Variants in TBC1D5 observed in about 807,000 individuals in gnomAD.
The protein encoded by TBC1D5 is TBC1 domain family, member 5.
TBC1D5 carries 75 observed loss-of-function variants against 100.3 expected under a neutral mutation model. The ratio of observed to expected loss-of-function variants is 0.75; its 90% CI spans 0.62 to 0.91. The LOEUF is 0.91. Ranked by LOEUF, TBC1D5 falls within the 40% of genes least tolerant of loss-of-function variation. The probability of loss-of-function intolerance (pLI) is 0.00; values close to 1 mark genes in which losing one functional copy is unlikely to be tolerated. For synonymous variants in TBC1D5, 323 were observed against 325.6 expected, an observed-to-expected ratio of 0.99 and a Z score of 0.09; for missense variants, 910 against 942.4, an observed-to-expected ratio of 0.97 and a Z score of 0.45.
intron 13 of TBC1D5, among the ~76,000 whole-genome samples, chr3:17,330,935 T>C (rs1394752514): frequency 6.6e-6 from 1 of 152,132 alleles, no homozygotes; most frequent in Non-Finnish European, 1.5e-5. Context: ...CATCCAATAA[T>C]TGTCAGTCCA....
chr3:17,387,028 C>T (rs946738834), intron 8 of TBC1D5, among the ~76,000 whole-genome samples: 1 of 152,132 alleles, frequency 6.6e-6, no homozygotes, highest in Non-Finnish European at 1.5e-5. Flanking sequence ...TTCTGCTCTA[C>T]AATGCTGAAG....
At chr3:17,350,468 CTTT>C (rs757889679) in intron 13 of TBC1D5, among the ~76,000 whole-genome samples, 2 of 152,120 alleles carry the variant, frequency 1.3e-5, no homozygotes, top group Non-Finnish European at 2.9e-5. Context: ...ACATTATATA[CTTT>C]TTTATTTCAC....
chr3:17,459,370 T>C (rs755604723), intron 3 of TBC1D5, among the ~76,000 whole-genome samples: 1 of 152,148 alleles, frequency 6.6e-6, no homozygotes, highest in Non-Finnish European at 1.5e-5. Context: ...TTCATGGTCC[T>C]ATGACAATCT....
At chr3:17,569,503 G>A (rs2079140079) in intron 2 of TBC1D5, among the ~76,000 whole-genome samples, 1 of 151,366 alleles carries the variant, frequency 6.6e-6, no homozygotes, top group South Asian at 2.1e-4. Flanking sequence ...TAGCCCATGA[G>A]GCATATGGTA....
At chr3:17,322,477 G>T (rs954351643) in intron 13 of TBC1D5, among the ~76,000 whole-genome samples, 9 of 152,318 alleles carry the variant, frequency 5.9e-5, no homozygotes, top group South Asian at 4.1e-4. Flanking sequence ...GCGCAGCACT[G>T]TGATTTCTGA....
At position 17,325,517 on chromosome 3, in the gene TBC1D5, T is replaced by C. The variant is rs112542533; in HGVS notation, c.996-17383A>G. Among the ~76,000 whole-genome samples, 782 of 152,180 alleles carry C rather than the reference T, an allele frequency of 5.1e-3. 3 individuals carry two copies. The highest frequency in any genetic ancestry group is 0.018 in the African/African-American group (743 of 41,516). ...TTTTGTATTTTTAGTAGAGACAGGG[T>C]TTCACCATGTTGGCCAGGCTGGTCT... On this transcript the variant is annotated intron_variant, in intron 13 of 21. Coordinates refer to ENST00000253692, the Ensembl canonical transcript of TBC1D5.
At chr3:17,493,223 T>C (rs1278576036) in intron 3 of TBC1D5, among the ~76,000 whole-genome samples, 2 of 152,096 alleles carry the variant, frequency 1.3e-5, no homozygotes, top group Admixed American at 1.3e-4. Flanking sequence ...AAATTGTGGG[T>C]TGGAAATTAT....
At chr3:17,218,709 A>T (rs1269545754) in intron 17 of TBC1D5, among the ~76,000 whole-genome samples, 1 of 152,008 alleles carries the variant, frequency 6.6e-6, no homozygotes, top group African/African-American at 2.4e-5. Flanking sequence ...CTGGCTTTTC[A>T]TCACTTTGAA....
intron 2 of TBC1D5, among the ~76,000 whole-genome samples, chr3:17,552,597 C>G (rs1175569193): frequency 6.6e-6 from 1 of 152,004 alleles, no homozygotes; most frequent in Non-Finnish European, 1.5e-5. Flanking sequence ...TAGTCTCTGA[C>G]CAAATAGAGC....
In TBC1D5 at chr3:17,222,739, A is replaced by AT. The variant is rs879881990; in HGVS notation, c.1589-8370dup. Among the ~76,000 whole-genome samples the AT allele has an allele frequency of 4.3e-3, 619 of 144,938 alleles. 3 individuals carry two copies. The highest frequency in any genetic ancestry group is 0.012 in the Admixed American group (169 of 14,522). On this transcript the variant is annotated intron_variant, in intron 17 of 21. Coordinates refer to ENST00000253692, the Ensembl canonical transcript of TBC1D5. ...TTTTTACTTTCATCCTGCTTATGGG[A>AT]TTTTTTTTTTTCTATCTCTAGGCCA...
intron 21 of TBC1D5, among the ~76,000 whole-genome samples, chr3:17,162,923 C>T (rs2066213622): frequency 6.6e-6 from 1 of 152,282 alleles, no homozygotes; most frequent in South Asian, 2.1e-4. Context: ...AAATCTTGAC[C>T]TCTCACCACA....
At chr3:17,739,839 T>C (rs1269778152) in exon 1 of TBC1D5, 2 of 151,358 alleles carry the variant, frequency 1.3e-5, no homozygotes, top group African/African-American at 4.9e-5. Context: ...ACCCCGTCTC[T>C]ACTAAAAATA....
At chr3:17,461,591 A>G (rs1384739190) in intron 3 of TBC1D5, among the ~76,000 whole-genome samples, 1 of 152,152 alleles carries the variant, frequency 6.6e-6, no homozygotes, top group Non-Finnish European at 1.5e-5. Context: ...GGAGGCAGAG[A>G]TCAAGGGCTT....
intron 16 of TBC1D5, among the ~76,000 whole-genome samples, chr3:17,242,833 A>G (rs2076414453): frequency 2.0e-5 from 3 of 152,152 alleles, no homozygotes; most frequent in African/African-American, 7.2e-5. Flanking sequence ...CGATATATAT[A>G]TATAAATATT....
At chr3:17,549,116 G>A (rs1228475548) in intron 2 of TBC1D5, among the ~76,000 whole-genome samples, 1 of 152,080 alleles carries the variant, frequency 6.6e-6, no homozygotes, top group Non-Finnish European at 1.5e-5. Flanking sequence ...TGACCAACAT[G>A]GTGAAGACCT....
intron 2 of TBC1D5, among the ~76,000 whole-genome samples, chr3:17,618,687 T>C (rs1401890943): frequency 6.6e-6 from 1 of 152,220 alleles, no homozygotes; most frequent in Non-Finnish European, 1.5e-5. Flanking sequence ...CAAAGCTCCA[T>C]GGGCATGGGA....
At chr3:17,457,608 T>C (rs992249027) in intron 3 of TBC1D5, among the ~76,000 whole-genome samples, 8 of 152,224 alleles carry the variant, frequency 5.3e-5, no homozygotes, top group African/African-American at 1.9e-4. Flanking sequence ...ATATTCATCA[T>C]AGTTATTTAA....
intron 3 of TBC1D5, among the ~76,000 whole-genome samples, chr3:17,476,348 T>C (rs1443591764): frequency 6.6e-6 from 1 of 152,040 alleles, no homozygotes; most frequent in East Asian, 1.9e-4. Context: ...ATTTTTGTTT[T>C]CCACCCAAAT....
intron 3 of TBC1D5, among the ~76,000 whole-genome samples, chr3:17,465,876 A>AAAT (rs978178994): frequency 1.3e-5 from 2 of 152,264 alleles, no homozygotes; most frequent in African/African-American, 2.4e-5. Context: ...TACACAAGGT[A>AAAT]AATACCAAAC....
Sources: gnomAD v4.1 joint callset for allele counts (sites outside exome capture counted in the v4.1 genomes callset) on GRCh38, gnomAD v4.1.1 for gene constraint, MANE v1.5 for transcripts, NCBI Gene and HGNC (gene_info 2026-07-23, HGNC 2026-07-21) for gene names.